ZNF479: variants seen among roughly 807,000 people sequenced by gnomAD.
The protein encoded by ZNF479 is KRAB zinc finger protein KR19.
Under a neutral mutation model 14.7 loss-of-function variants are expected in ZNF479, and 15 were observed. That is an observed-to-expected ratio of 1.02 (90% CI 0.68 to 1.57). The LOEUF (loss-of-function observed/expected upper bound fraction) is 1.57, where lower values mean the gene tolerates loss of function less well. Ranked by LOEUF, ZNF479 falls within the 40% of genes most tolerant of loss-of-function variation. The pLI, the probability that ZNF479 is intolerant of heterozygous loss-of-function variation, is 0.00. For missense variants in ZNF479, 506 were observed against 615.1 expected (o/e 0.82, Z 1.88); for synonymous variants, 145 against 211.5 (o/e 0.69, Z 2.73).
At chr7:57,130,940 T>C (rs1435762448) in intron 1 of ZNF479, among the ~76,000 whole-genome samples, 1 of 152,228 alleles carries the variant, frequency 6.6e-6, no homozygotes, top group African/African-American at 2.4e-5. Context: ...AACAACATCA[T>C]GTCCTTTGCA....
chr7:57,130,733 C>G (rs1786376852), intron 1 of ZNF479, among the ~76,000 whole-genome samples: 1 of 152,112 alleles, frequency 6.6e-6, no homozygotes, highest in African/African-American at 2.4e-5. Context: ...ACAGAATTAC[C>G]ATTCCCAATC....
intron 3 of ZNF479, among the ~76,000 whole-genome samples, chr7:57,123,217 G>A (rs1291877025): frequency 1.3e-5 from 2 of 152,190 alleles, no homozygotes; most frequent in Admixed American, 1.3e-4. Context: ...GTCACATGGT[G>A]AAAGACGACG....
chr7:57,118,520 C>T lies in ZNF479; in HGVS notation c.*1320G>A, dbSNP rs1451676278. Among the ~76,000 whole-genome samples the T allele has an allele frequency of 9.2e-5, 14 of 152,012 alleles. No individual in the cohort carries two copies. Among genetic ancestry groups the T allele is most frequent in the South Asian group, 4.1e-4 (2 of 4,828 alleles). On this transcript the variant is annotated 3_prime_UTR_variant, in exon 4 of 4. Coordinates refer to ENST00000319636, the MANE Select transcript of ZNF479 (RefSeq NM_001370129.2). The stretch of plus-strand genomic sequence containing the variant: ...CCAAGTAGCTGGGATTACAAGTGCA[C>T]GCCACCACACCCAGCTAGTTTTTCT...
At position 57,117,765 on chromosome 7, in the gene ZNF479, TCAAATACTTTCA is replaced by T. The variant is rs1331351101; in HGVS notation, c.*2063_*2074del. 1.4e-4 allele frequency among the ~76,000 whole-genome samples: 22 copies of T among 152,388 alleles called. No individual in the cohort carries two copies. Among genetic ancestry groups the T allele is most frequent in the African/African-American group, 5.0e-4 (21 of 41,590 alleles). The stretch of plus-strand genomic sequence containing the variant: ...CTCCTATCTCTGATGAAACAACTGA[TCAAATACTTTCA>T]CAAACAATGGGAAGAGTCAACATGA... On this transcript the variant is annotated 3_prime_UTR_variant, in exon 4 of 4. Coordinates refer to ENST00000319636, the MANE Select transcript of ZNF479 (RefSeq NM_001370129.2).
Position 57,120,637 on chromosome 7 carries a change from T to G in ZNF479, c.778A>C (p.Lys260Gln). The G allele has an allele frequency of 6.2e-7, 1 of 1,613,968 alleles. No individual in the cohort carries two copies. Among genetic ancestry groups the G allele is most frequent in the Non-Finnish European group, 8.5e-7 (1 of 1,179,884 alleles). Residue 260 changes from lysine (K) to glutamine (Q), a missense_variant, in exon 4 of 4, where the codon AAG (lysine) becomes CAG (glutamine). Lys to Gln is a moderately conservative substitution (Grantham distance 53). Around this residue, in one of 3 missense-constraint regions of ZNF479, gnomAD observed 420 missense variants for 474.2 expected, o/e 0.89. Coordinates refer to ENST00000319636, the MANE Select transcript of ZNF479 (RefSeq NM_001370129.2). ...GGTTTCTCTCCAGTATGAGTTCTCT[T>G]ATGTCTAGTAAGGTTTGCAGACCAG... is the stretch of plus-strand genomic sequence containing the variant. Reference protein sequence around the residue: ...FSWSANLTRHKRTHTGEKPYT... With the variant: ...FSWSANLTRHQRTHTGEKPYT...
At chr7:57,135,451 C>T (rs559311030), upstream of ZNF479, among the ~76,000 whole-genome samples, 8 of 152,180 alleles carry the variant, frequency 5.3e-5, no homozygotes, top group African/African-American at 9.6e-5. Context: ...TCACTCTTGT[C>T]GCTCAGGCTG....
chr7:57,133,908 T>C (rs1205575490), upstream of ZNF479, among the ~76,000 whole-genome samples: 1 of 152,200 alleles, frequency 6.6e-6, no homozygotes, highest in Non-Finnish European at 1.5e-5. Context: ...TGGAATTGAT[T>C]GCAACAACTT....
At position 57,120,314 on chromosome 7, in the gene ZNF479, G is replaced by A; in HGVS notation, c.1101C>T (p.Asn367=). The A allele has an allele frequency of 6.2e-7, 1 of 1,609,730 alleles. No homozygotes were observed. Among genetic ancestry groups the A allele is most frequent in the Non-Finnish European group, 8.5e-7 (1 of 1,177,222 alleles). ...TATGAATTCTCCTATGTCTCATAAGGTTCGAGGATAAGCTAAAGGCTTGGC... is the reference window on the plus strand; with the variant it reads ...TATGAATTCTCCTATGTCTCATAAGATTCGAGGATAAGCTAAAGGCTTGGC... ...ECGQAFSLSS[N]LMRHRRIHTG... is the part of the protein sequence containing the mutation. Residue 367 remains asparagine (N), a synonymous_variant, in exon 4 of 4, where the codon AAC becomes AAT. Transcript: ENST00000319636.
upstream of ZNF479, among the ~76,000 whole-genome samples, chr7:57,134,836 G>C (rs762035146): frequency 1.3e-5 from 2 of 151,798 alleles, no homozygotes; most frequent in Non-Finnish European, 2.9e-5. Flanking sequence ...CACCATGCCC[G>C]GCTAATTTTT....
upstream of ZNF479, among the ~76,000 whole-genome samples, chr7:57,132,855 C>T (rs1786496642): frequency 6.6e-6 from 1 of 152,050 alleles, no homozygotes; most frequent in Non-Finnish European, 1.5e-5. Flanking sequence ...TTGTAATTCT[C>T]GTCCGTGTGC....
At chr7:57,129,395 G>C (rs547787091) in intron 1 of ZNF479, among the ~76,000 whole-genome samples, 39 of 152,174 alleles carry the variant, frequency 2.6e-4, no homozygotes, top group East Asian at 1.9e-3. Context: ...TTGTGCTTTC[G>C]CAGACACATT....
At chr7:57,131,042 G>T (rs1217676504) in intron 1 of ZNF479, among the ~76,000 whole-genome samples, 2 of 152,112 alleles carry the variant, frequency 1.3e-5, no homozygotes, top group African/African-American at 2.4e-5. Flanking sequence ...ATAAGTGGGA[G>T]CAAAATAATG....
At chr7:57,121,981 A>G (rs1785974148) in intron 3 of ZNF479, among the ~76,000 whole-genome samples, 1 of 152,100 alleles carries the variant, frequency 6.6e-6, no homozygotes, top group African/African-American at 2.4e-5. Flanking sequence ...AAAAATAAAC[A>G]AGGTGGAGGT....
chr7:57,125,260 C>G (rs1299939432), intron 3 of ZNF479, among the ~76,000 whole-genome samples: 1 of 152,062 alleles, frequency 6.6e-6, no homozygotes, highest in Non-Finnish European at 1.5e-5. Flanking sequence ...AAAACACCAA[C>G]TGTTGATGAT....
intron 1 of ZNF479, among the ~76,000 whole-genome samples, chr7:57,138,392 AG>A (rs1786740536): frequency 6.6e-6 from 1 of 152,242 alleles, no homozygotes; most frequent in Non-Finnish European, 1.5e-5. Context: ...TGAATCTTAT[AG>A]GCACACTTAG....
chr7:57,126,802 G>T, intron 1 of ZNF479, 84 bp from the exon 2 acceptor site: 1 of 1,515,972 alleles, frequency 6.6e-7, no homozygotes, highest in Non-Finnish European at 9.0e-7. Context: ...TTTGACTCAA[G>T]TTAAAAAAGA....
intron 1 of ZNF479, among the ~76,000 whole-genome samples, chr7:57,129,471 C>T (rs1029486929): frequency 6.6e-6 from 1 of 151,946 alleles, no homozygotes; most frequent in Non-Finnish European, 1.5e-5. Context: ...TGTCACAATA[C>T]TAATACTACT....
chr7:57,121,077 C>A lies in ZNF479; in HGVS notation c.338G>T (p.Arg113Ile). 2 of 1,613,718 alleles carry A rather than the reference C, an allele frequency of 1.2e-6. No individual in the cohort carries two copies. Among genetic ancestry groups the A allele is most frequent in the Non-Finnish European group, 1.7e-6 (2 of 1,179,874 alleles). The change falls in exon 4 of 4, where the codon AGA (arginine) becomes ATA (isoleucine). Residue 113 changes from arginine (R) to isoleucine (I), a missense_variant. Arg to Ile is a moderately conservative substitution (Grantham distance 97). Around this residue, in one of 3 missense-constraint regions of ZNF479, gnomAD observed 420 missense variants for 474.2 expected, o/e 0.89. Coordinates refer to ENST00000319636, the MANE Select transcript of ZNF479 (RefSeq NM_001370129.2). ...CTCATGTCCACATTTTCCATATGTTCTTGGTATTACTTTTTGGAGTGAATC... is the reference window on the plus strand; with the variant it reads ...CTCATGTCCACATTTTCCATATGTTATTGGTATTACTTTTTGGAGTGAATC... ...IKDSLQKVIP[R>I]TYGKCGHEKL... is the part of the protein sequence containing the mutation.
rs1554399855 is a variant in ZNF479 at position 57,120,048 on chromosome 7, T to C, written c.1367A>G (p.Lys456Arg). Residue 456 changes from lysine (K) to arginine (R), a missense_variant, in exon 4 of 4, where the codon AAG (lysine) becomes AGG (arginine). Physicochemically the swap from Lys to Arg is conservative, Grantham distance 26. Coordinates refer to ENST00000319636, the MANE Select transcript of ZNF479 (RefSeq NM_001370129.2). The stretch of plus-strand genomic sequence containing the variant: ...GGGTCTCTCTCCAGTATGAATTCTC[T>C]TGTGGTCAGTGAGGGTTGAGGATAA... ...FSLSSTLTDHKRIHTGERPYT... is the reference protein window; with the variant it reads ...FSLSSTLTDHRRIHTGERPYT... 7 of 1,613,524 alleles carry C rather than the reference T, an allele frequency of 4.3e-6. No individual in the cohort carries two copies. In the Admixed American group the frequency reaches 5.0e-5, roughly 12 times the overall value.
Sources: allele counts gnomAD v4.1 joint callset (sites outside exome capture counted in the v4.1 genomes callset), GRCh38; gene constraint gnomAD v4.1.1; regional missense constraint gnomAD v4.1.1; transcripts MANE v1.5; gene names NCBI Gene and HGNC (gene_info 2026-07-23, HGNC 2026-07-21).